MRC1: variants seen among roughly 807,000 people sequenced by gnomAD.
The protein encoded by MRC1 is mannose receptor C-type 1, also known as macrophage mannose receptor 1.
MRC1 carries 62 observed loss-of-function variants against 102.9 expected under a neutral mutation model. The ratio of observed to expected loss-of-function variants is 0.60; its 90% CI spans 0.49 to 0.74. The LOEUF is 0.74. Among genes scored for constraint, MRC1 ranks in the 30% least tolerant of loss-of-function variants. MRC1 has a pLI of 0.00. For missense variants in MRC1, 1,237 were observed against 862.8 expected (o/e 1.43, Z -5.43); for synonymous variants, 457 against 298.4 (o/e 1.53, Z -5.48).
chr10:17,891,187 G>A (rs1484376254), intron 22 of MRC1, among the ~76,000 whole-genome samples: 2 of 141,192 alleles, frequency 1.4e-5, no homozygotes, highest in African/African-American at 2.7e-5. Context: ...TTATTTTTGA[G>A]ATGGAGTCTC....
intron 25 of MRC1, 91 bp from the exon 26 acceptor site, chr10:17,901,882 A>C: frequency 1.3e-6 from 1 of 775,644 alleles, no homozygotes; most frequent in South Asian, 1.4e-5. Context: ...AATAATGATC[A>C]ATGATCAGTT....
At chr10:17,905,449 T>A (rs1833882505) in intron 26 of MRC1, among the ~76,000 whole-genome samples, 1 of 152,206 alleles carries the variant, frequency 6.6e-6, no homozygotes, top group South Asian at 2.1e-4. Context: ...GCATTTCTCA[T>A]GATGTCACCT....
chr10:17,859,128 A>G (rs1833141394), intron 9 of MRC1, among the ~76,000 whole-genome samples: 1 of 152,098 alleles, frequency 6.6e-6, no homozygotes, highest in East Asian at 1.9e-4. Flanking sequence ...GTTTTCTTTT[A>G]TAGACATTCC....
intron 9 of MRC1, among the ~76,000 whole-genome samples, chr10:17,858,933 A>G (rs1833138764): frequency 2.6e-5 from 4 of 152,132 alleles, no homozygotes; most frequent in African/African-American, 9.7e-5. Context: ...CGGTTGTTCA[A>G]CCTTCTCATT....
At chr10:17,832,962 T>C (rs1431729936) in intron 3 of MRC1, among the ~76,000 whole-genome samples, 1 of 152,196 alleles carries the variant, frequency 6.6e-6, no homozygotes, top group Non-Finnish European at 1.5e-5. Context: ...TGGCAAAGTC[T>C]GGGTACCCGA....
chr10:17,903,735 G>A (rs886895954), intron 26 of MRC1, among the ~76,000 whole-genome samples: 26 of 151,780 alleles, frequency 1.7e-4, no homozygotes, highest in African/African-American at 4.3e-4. Flanking sequence ...ACTATATATC[G>A]TTTGGTTATT....
At position 17,856,392 on chromosome 10, in the gene MRC1, T is replaced by A. The variant is rs922486981; in HGVS notation, c.1518+40T>A. 1.4e-4 allele frequency: 117 copies of A among 817,836 alleles called. 1 individual carries two copies. Among genetic ancestry groups the A allele is most frequent in the African/African-American group, 1.3e-3 (78 of 59,914 alleles). 50.7% of individuals were successfully genotyped at this position (817,836 alleles called of 1,614,324 possible). ...CCCACAGTGACTTAAGCTGAGCACG[T>A]ATGAGTTGATACCGTTGGCTTTATT... On this transcript the variant is annotated intron_variant, in intron 9 of 29. Transcript: ENST00000569591.
At chr10:17,836,688 T>G (rs2130618323) in intron 4 of MRC1, among the ~76,000 whole-genome samples, 1 of 151,890 alleles carries the variant, frequency 6.6e-6, no homozygotes, top group South Asian at 2.1e-4. Context: ...TACAAAAAAT[T>G]AGCTGGGCAC....
rs1207467709 is a variant in MRC1 at position 17,898,057 on chromosome 10, G to A, written c.3274G>A (p.Ala1092Thr). The A allele has an allele frequency of 1.3e-6, 1 of 780,650 alleles. No individual in the cohort carries two copies. Among genetic ancestry groups the A allele is most frequent in the Non-Finnish European group, 2.4e-6 (1 of 417,934 alleles). The allele number at this position is 780,650 out of a possible 1,614,324, so 48.4% of individuals were successfully genotyped here. ...AGACCCTTCCTTGACTAATCCTCCA[G>A]CAACGATTCAAACAGATGGCTTTGT... ...RSDPSLTNPP[A>T]TIQTDGFVKY... Residue 1092 changes from alanine (A) to threonine (T), a missense_variant, in exon 24 of 30, where the codon GCA becomes ACA. Physicochemically the swap from Ala to Thr is moderately conservative, Grantham distance 58. Coordinates refer to ENST00000569591, the MANE Select transcript of MRC1 (RefSeq NM_002438.4).
intron 17 of MRC1, among the ~76,000 whole-genome samples, chr10:17,876,686 G>A (rs1157110242): frequency 6.6e-6 from 1 of 152,122 alleles, no homozygotes. Context: ...GACCCTTTGT[G>A]TATCATATAG....
At chr10:17,852,452 C>T (rs923512077) in intron 7 of MRC1, among the ~76,000 whole-genome samples, 18 of 152,036 alleles carry the variant, frequency 1.2e-4, no homozygotes, top group African/African-American at 2.2e-4. Flanking sequence ...TGATCTTTAA[C>T]GGAAGTATCT....
chr10:17,838,290 A>G lies in MRC1; in HGVS notation c.803-2403A>G, dbSNP rs1409444147. The stretch of plus-strand genomic sequence containing the variant: ...ATTGGTGGTGATCTGATTTCATATT[A>G]TCTGCCAGGTGAAATGTTTCTGCCT... On this transcript the variant is annotated intron_variant, in intron 4 of 29. Coordinates refer to ENST00000569591, the MANE Select transcript of MRC1 (RefSeq NM_002438.4). 4.6e-5 allele frequency among the ~76,000 whole-genome samples: 7 copies of G among 152,246 alleles called. No homozygotes were observed. The East Asian group carries it at 1.2e-3, about 25-fold the overall frequency.
At chr10:17,860,819 T>C (rs1833173193) in intron 9 of MRC1, among the ~76,000 whole-genome samples, 1 of 152,220 alleles carries the variant, frequency 6.6e-6, no homozygotes, top group Non-Finnish European at 1.5e-5. Flanking sequence ...TAGTTTTCGT[T>C]GCAAGATACA....
chr10:17,834,085 C>T (rs1838624014), intron 4 of MRC1, among the ~76,000 whole-genome samples: 1 of 152,130 alleles, frequency 6.6e-6, no homozygotes, highest in Non-Finnish European at 1.5e-5. Context: ...ATTCTGAGGG[C>T]TAATCTAGAA....
intron 23 of MRC1, 82 bp downstream of exon 23, chr10:17,894,394 C>CTTTTTT (rs34625338): frequency 6.8e-4 from 276 of 406,076 alleles, no homozygotes; most frequent in African/African-American, 1.2e-3. Flanking sequence ...TTCTTTCTTT[C>CTTTTTT]TTTTTTTTTT....
chr10:17,908,450 T>G (rs1833925367), intron 28 of MRC1, among the ~76,000 whole-genome samples: 1 of 151,678 alleles, frequency 6.6e-6, no homozygotes, highest in Admixed American at 6.6e-5. Context: ...AATTTTTGTA[T>G]TTTTAGTAGA....
Position 17,872,085 on chromosome 10 carries a change from A to C in MRC1, c.2303A>C (p.Asn768Thr), listed in dbSNP as rs980806704. 1 of 780,714 alleles carries C rather than the reference A, an allele frequency of 1.3e-6. No individual in the cohort carries two copies. The highest frequency in any genetic ancestry group is 2.4e-6 in the Non-Finnish European group (1 of 417,840). The allele number at this position is 780,714 out of a possible 1,614,324, so 48.4% of individuals were successfully genotyped here. A position where few individuals can be genotyped will look rare whatever the true frequency, so the allele number is the denominator to read the frequency against. ...GDPTMSWNDI[N>T]CEHLNNWICQ... is the part of the protein sequence containing the mutation. The stretch of plus-strand genomic sequence containing the variant: ...CCTACTATGTCTTGGAATGATATTA[A>C]TTGTGAACACCTTAACAACTGGATT... The change falls in exon 15 of 30, where the codon AAT becomes ACT. Residue 768 changes from asparagine to threonine, a missense_variant. Physicochemically the swap from Asn to Thr is moderately conservative, Grantham distance 65. Transcript: ENST00000569591.
chr10:17,840,241 G>A (rs1838731082), intron 4 of MRC1, among the ~76,000 whole-genome samples: 1 of 152,264 alleles, frequency 6.6e-6, no homozygotes, highest in South Asian at 2.1e-4. Context: ...GTTAGCATAA[G>A]CACTTAGTGA....
intron 3 of MRC1, among the ~76,000 whole-genome samples, chr10:17,828,513 A>G (rs910955019): frequency 2.0e-5 from 3 of 151,468 alleles, no homozygotes; most frequent in African/African-American, 4.9e-5. Flanking sequence ...TTATGAAACC[A>G]TAGATCAAAA....
Sources: gnomAD v4.1 joint callset for allele counts (sites outside exome capture counted in the v4.1 genomes callset) on GRCh38, gnomAD v4.1.1 for gene constraint, MANE v1.5 for transcripts, NCBI Gene and HGNC (gene_info 2026-07-23, HGNC 2026-07-21) for gene names.